Variants in CMC1 observed in about 807,000 individuals in gnomAD.
The protein encoded by CMC1 is COX assembly mitochondrial protein homolog.
A neutral mutation model predicts 14.1 loss-of-function variants in CMC1; 14 were observed. The observed-to-expected ratio is 0.99, with a 90% confidence interval of 0.66 to 1.55. The LOEUF (loss-of-function observed/expected upper bound fraction) is 1.55, where lower values mean the gene tolerates loss of function less well. Ranked by LOEUF, CMC1 falls within the 40% of genes most tolerant of loss-of-function variation. The probability of loss-of-function intolerance (pLI) is 0.00; values close to 1 mark genes in which losing one functional copy is unlikely to be tolerated. For missense variants in CMC1, 127 were observed against 123.8 expected (o/e 1.03, Z -0.12); for synonymous variants, 50 against 38.4 (o/e 1.30, Z -1.12).
rs2125635677 is a variant in CMC1 at position 28,325,123 on chromosome 3, A to G, written c.*5494A>G. 7.2e-6 allele frequency: 1 copy of G among 138,080 alleles called. No individual in the cohort carries two copies. The highest frequency in any genetic ancestry group is 2.7e-5 in the African/African-American group (1 of 37,502). The allele number at this position is 138,080 out of a possible 1,614,324, so 8.6% of individuals were successfully genotyped here. A position where few individuals can be genotyped will look rare whatever the true frequency, so the allele number is the denominator to read the frequency against. On this transcript the variant is annotated 3_prime_UTR_variant, in exon 4 of 4. Transcript: ENST00000466830. ...GCTACTGTGGTCACAATGTAGGTAAAGTAAAAAAAAAAAAAAAAACAGCCA... is the reference window on the plus strand; with the variant it reads ...GCTACTGTGGTCACAATGTAGGTAAGGTAAAAAAAAAAAAAAAAACAGCCA...
chr3:28,294,778 T>G (rs555337107), intron 2 of CMC1, among the ~76,000 whole-genome samples: 5 of 152,232 alleles, frequency 3.3e-5, no homozygotes, highest in African/African-American at 1.2e-4. Flanking sequence ...TTGGGTAAAA[T>G]AGAAGACTTA....
At chr3:28,259,370 T>A (rs918817400) in intron 1 of CMC1, among the ~76,000 whole-genome samples, 4 of 152,116 alleles carry the variant, frequency 2.6e-5, no homozygotes, top group Non-Finnish European at 5.9e-5. Flanking sequence ...CATAAACATA[T>A]ATGCTATATC....
In CMC1 at chr3:28,294,452, A is replaced by G. The variant is rs1403238664; in HGVS notation, c.110-21881A>G. The G allele has an allele frequency of 9.2e-6, 9 of 974,106 alleles. No individual in the cohort carries two copies. In the African/African-American group the frequency reaches 1.6e-4, roughly 17 times the overall value. The allele number at this position is 974,106 out of a possible 1,614,324, so 60.3% of individuals were successfully genotyped here. On this transcript the variant is annotated intron_variant, in intron 2 of 3. Transcript: ENST00000466830. ...AATACAGGACAAGTAAATTTTTGTG[A>G]AACATTGCAGATGTTAGATGGATTT...
At chr3:28,244,619 C>G (rs1289732168) in intron 1 of CMC1, among the ~76,000 whole-genome samples, 1 of 151,960 alleles carries the variant, frequency 6.6e-6, no homozygotes, top group Non-Finnish European at 1.5e-5. Flanking sequence ...GTCCCAGCTA[C>G]TCAGGAGGCT....
chr3:28,272,833 C>T (rs1700366660), intron 2 of CMC1, among the ~76,000 whole-genome samples: 1 of 151,966 alleles, frequency 6.6e-6, no homozygotes, highest in Non-Finnish European at 1.5e-5. Context: ...TACAGGTGCC[C>T]ACCACCACGC....
At chr3:28,272,519 C>T (rs1356257679) in intron 2 of CMC1, among the ~76,000 whole-genome samples, 5 of 151,914 alleles carry the variant, frequency 3.3e-5, no homozygotes, top group African/African-American at 1.2e-4. Flanking sequence ...GTAATGAATT[C>T]GTTTATTGAT....
intron 1 of CMC1, among the ~76,000 whole-genome samples, chr3:28,242,896 G>A (rs1698605683): frequency 6.6e-6 from 1 of 152,144 alleles, no homozygotes; most frequent in South Asian, 2.1e-4. Context: ...AGCTGGAGAA[G>A]AGGCAGCCCT....
chr3:28,281,970 G>A (rs144776160), intron 2 of CMC1, among the ~76,000 whole-genome samples: 294 of 152,196 alleles, frequency 1.9e-3, no homozygotes, highest in African/African-American at 6.6e-3. Flanking sequence ...AAGACTGAGA[G>A]TCAAGGCTGA....
chr3:28,276,453 C>T (rs1700594239), intron 2 of CMC1, among the ~76,000 whole-genome samples: 2 of 151,914 alleles, frequency 1.3e-5, no homozygotes, highest in Non-Finnish European at 2.9e-5. Flanking sequence ...TATAAAATGT[C>T]ATAGCTTTTT....
At position 28,270,802 on chromosome 3, in the gene CMC1, C is replaced by A. The variant is rs147085818; in HGVS notation, c.109+7422C>A. On this transcript the variant is annotated intron_variant, in intron 2 of 3. Coordinates refer to ENST00000466830, the MANE Select transcript of CMC1 (RefSeq NM_182523.2). ...TTGCTTTTGTTGCAATTGGTTTTGGCATTTTCGTCATGAAATTCTTGCCCG... is the reference window on the plus strand; with the variant it reads ...TTGCTTTTGTTGCAATTGGTTTTGGAATTTTCGTCATGAAATTCTTGCCCG... Among the ~76,000 whole-genome samples the A allele has an allele frequency of 4.0e-5, 6 of 151,826 alleles. No homozygotes were observed. In the East Asian group the frequency reaches 1.2e-3, roughly 29 times the overall value.
chr3:28,319,710 T>A lies in CMC1; in HGVS notation c.*81T>A. 2 of 1,099,722 alleles carry A rather than the reference T, an allele frequency of 1.8e-6. No individual in the cohort carries two copies. The highest frequency in any genetic ancestry group is 2.6e-6 in the Non-Finnish European group (2 of 780,442). 68.1% of individuals were successfully genotyped at this position (1,099,722 alleles called of 1,614,324 possible). ...TCCTTAAATAATGGACTCAAGCATATATGTTTGCTTTACCTTAATTATGGA... is the reference window on the plus strand; with the variant it reads ...TCCTTAAATAATGGACTCAAGCATAAATGTTTGCTTTACCTTAATTATGGA... On this transcript the variant is annotated 3_prime_UTR_variant, in exon 4 of 4. Coordinates refer to ENST00000466830, the MANE Select transcript of CMC1 (RefSeq NM_182523.2).
At chr3:28,260,199 A>G (rs1699661943) in intron 1 of CMC1, among the ~76,000 whole-genome samples, 1 of 151,804 alleles carries the variant, frequency 6.6e-6, no homozygotes, top group South Asian at 2.1e-4. Context: ...CTTTTTATGT[A>G]TTGCTGAGTT....
At chr3:28,285,113 C>T (rs896890747) in intron 2 of CMC1, among the ~76,000 whole-genome samples, 15 of 152,218 alleles carry the variant, frequency 9.9e-5, no homozygotes, top group South Asian at 6.2e-4. Context: ...GGATGTAATG[C>T]TAATAATTAA....
At chr3:28,281,915 AC>A (rs957161382) in intron 2 of CMC1, among the ~76,000 whole-genome samples, 9 of 152,142 alleles carry the variant, frequency 5.9e-5, no homozygotes, top group African/African-American at 2.2e-4. Flanking sequence ...AAAGAGATTG[AC>A]CTTAGGAAAC....
At chr3:28,304,699 T>C (rs1325072127) in intron 2 of CMC1, among the ~76,000 whole-genome samples, 5 of 152,202 alleles carry the variant, frequency 3.3e-5, no homozygotes, top group Admixed American at 1.3e-4. Context: ...TGTATTCAAA[T>C]AATTTATAGA....
At chr3:28,289,252 G>T (rs973175766) in intron 2 of CMC1, among the ~76,000 whole-genome samples, 1 of 151,734 alleles carries the variant, frequency 6.6e-6, no homozygotes, top group Non-Finnish European at 1.5e-5. Context: ...ATTTCAGGAA[G>T]AATTTTGTGT....
chr3:28,254,008 C>G (rs1699267435), intron 1 of CMC1, among the ~76,000 whole-genome samples: 1 of 152,026 alleles, frequency 6.6e-6, no homozygotes, highest in Non-Finnish European at 1.5e-5. Flanking sequence ...CACATGAGCC[C>G]CAAAGCAAAA....
At position 28,265,303 on chromosome 3, in the gene CMC1, A is replaced by G. The variant is rs965011882; in HGVS notation, c.109+1923A>G. ...AATATTTTAGAATCTAAAATTGATA[A>G]GAGAATAAGAAGTCTTTAGTATTTT... is the stretch of plus-strand genomic sequence containing the variant. On this transcript the variant is annotated intron_variant, in intron 2 of 3. Transcript: ENST00000466830. 7.4e-4 allele frequency among the ~76,000 whole-genome samples: 112 copies of G among 152,218 alleles called. 1 individual carries two copies. The highest frequency in any genetic ancestry group is 2.5e-4 in the Non-Finnish European group (17 of 67,998).
At chr3:28,284,417 G>GT (rs1701062747) in intron 2 of CMC1, among the ~76,000 whole-genome samples, 20 of 152,286 alleles carry the variant, frequency 1.3e-4, no homozygotes, top group Admixed American at 1.2e-3. Flanking sequence ...GGCTAAATCA[G>GT]TGATCCTCAA....
Sources: gnomAD v4.1 joint callset for allele counts (sites outside exome capture counted in the v4.1 genomes callset) on GRCh38, gnomAD v4.1.1 for gene constraint, MANE v1.5 for transcripts, NCBI Gene and HGNC (gene_info 2026-07-23, HGNC 2026-07-21) for gene names.